FAM107A: variants seen among roughly 807,000 people sequenced by gnomAD.
FAM107A encodes the protein actin-associated protein FAM107A.
FAM107A carries 19 observed loss-of-function variants against 13.7 expected under a neutral mutation model. That is an observed-to-expected ratio of 1.38 (90% CI 0.97 to 2.03). The LOEUF (loss-of-function observed/expected upper bound fraction) is 2.03. Ranked by LOEUF, FAM107A falls within the 30% of genes most tolerant of loss-of-function variation. The probability of loss-of-function intolerance (pLI) is 0.00; values close to 1 mark genes in which losing one functional copy is unlikely to be tolerated. For missense variants in FAM107A, 203 were observed against 184.4 expected (o/e 1.10, Z -0.58); for synonymous variants, 82 against 74.5 (o/e 1.10, Z -0.52).
chr3:58,594,219 A>C (rs2108066833), intron 1 of FAM107A, among the ~76,000 whole-genome samples: 1 of 152,268 alleles, frequency 6.6e-6, no homozygotes, highest in South Asian at 2.1e-4. Flanking sequence ...AGCAGTTACT[A>C]TTGCTTAGGA....
intron 3 of FAM107A, 196 bp from the exon 4 acceptor site, chr3:58,566,891 T>A: frequency 1.6e-6 from 1 of 609,310 alleles, no homozygotes; most frequent in South Asian, 2.0e-5. Context: ...TTCAAATCAC[T>A]CACCCCCTCT....
rs2063738119 is a variant in FAM107A at position 58,577,256 on chromosome 3, C to A, written c.-6+53G>T. Reference sequence around the variant, plus strand: ...CTGCCCTCCTTCCCTTCCACCTCCTCCCGAACGGCACCGCTCTCAACAGCA... The same window carrying A: ...CTGCCCTCCTTCCCTTCCACCTCCTACCGAACGGCACCGCTCTCAACAGCA... On this transcript the variant is annotated intron_variant, in intron 1 of 3. Transcript: ENST00000360997. The surrounding 1 kb of genome is among the most constrained non-coding windows in gnomAD (Gnocchi z 4.9). The A allele has an allele frequency of 2.2e-6, 2 of 929,976 alleles. No homozygotes were observed. The highest frequency in any genetic ancestry group is 2.6e-6 in the Non-Finnish European group (2 of 779,384). 57.6% of individuals were successfully genotyped at this position (929,976 alleles called of 1,614,324 possible). A position where few individuals can be genotyped will look rare whatever the true frequency, so the allele number is the denominator to read the frequency against.
intron 1 of FAM107A, among the ~76,000 whole-genome samples, chr3:58,584,137 C>T (rs1447298137): frequency 6.6e-6 from 1 of 152,148 alleles, no homozygotes; most frequent in Non-Finnish European, 1.5e-5. Flanking sequence ...GGTCCAGAGG[C>T]ACACGGTCCT....
chr3:58,602,723 G>A (rs1207810157), intron 1 of FAM107A, among the ~76,000 whole-genome samples: 3 of 152,092 alleles, frequency 2.0e-5, no homozygotes, highest in Non-Finnish European at 4.4e-5. Flanking sequence ...TATATATTTT[G>A]TTACACATGT....
intron 1 of FAM107A, among the ~76,000 whole-genome samples, chr3:58,603,838 TGGA>T (rs3046796): frequency 0.25 from 37,633 of 151,858 alleles, 5,183 homozygotes; most frequent in South Asian, 0.48. Flanking sequence ...GGGATGTAGG[TGGA>T]GGAGCACCAA....
upstream of FAM107A, among the ~76,000 whole-genome samples, chr3:58,589,445 G>GTGTA (rs1363355106): frequency 7.9e-5 from 12 of 152,288 alleles, no homozygotes; most frequent in African/African-American, 2.6e-4. Context: ...GTGTGTGTGT[G>GTGTA]TGTATGTGTG....
intron 1 of FAM107A, among the ~76,000 whole-genome samples, chr3:58,625,834 C>G (rs1166738789): frequency 2.0e-5 from 3 of 152,240 alleles, no homozygotes; most frequent in Non-Finnish European, 1.5e-5. Flanking sequence ...CTTTCCCCCA[C>G]TAGCTGCATG....
intron 1 of FAM107A, among the ~76,000 whole-genome samples, chr3:58,583,856 C>T (rs1464768350): frequency 1.3e-5 from 2 of 151,826 alleles, no homozygotes; most frequent in Non-Finnish European, 2.9e-5. Context: ...AATTTTTAAA[C>T]ATTTTTCTAG....
At chr3:58,622,021 C>T (rs1346800225) in intron 1 of FAM107A, among the ~76,000 whole-genome samples, 1 of 152,176 alleles carries the variant, frequency 6.6e-6, no homozygotes, top group Admixed American at 6.5e-5. Flanking sequence ...TTGGGAATTG[C>T]ACTGAGGCCC....
At chr3:58,579,475 C>G (rs772057173), upstream of FAM107A, among the ~76,000 whole-genome samples, 10 of 152,174 alleles carry the variant, frequency 6.6e-5, no homozygotes, top group Non-Finnish European at 1.3e-4. Context: ...TGGTAGCCCC[C>G]TCAGCCTCCC....
At chr3:58,588,084 G>A (rs183399961), upstream of FAM107A, among the ~76,000 whole-genome samples, 9 of 152,278 alleles carry the variant, frequency 5.9e-5, no homozygotes, top group African/African-American at 2.2e-4. Flanking sequence ...TGAAGGGTGG[G>A]TATTCCCTCC....
chr3:58,567,141 A>C, intron 3 of FAM107A, 67 bp downstream of exon 3: 1 of 1,581,500 alleles, frequency 6.3e-7, no homozygotes, highest in East Asian at 2.2e-5. Context: ...CTGTGGCCAC[A>C]GCAGAGCTCC....
chr3:58,618,821 G>A (rs1458755702), intron 1 of FAM107A, among the ~76,000 whole-genome samples: 1 of 151,292 alleles, frequency 6.6e-6, no homozygotes, highest in African/African-American at 2.4e-5. Context: ...CAGGGGGACA[G>A]GTTTGGGGTT....
intron 1 of FAM107A, among the ~76,000 whole-genome samples, chr3:58,586,197 C>T (rs992234523): frequency 4.0e-5 from 5 of 123,862 alleles, no homozygotes; most frequent in Non-Finnish European, 9.0e-5. Context: ...TGCCCATTTT[C>T]CTCTCTCCTG....
intron 1 of FAM107A, among the ~76,000 whole-genome samples, chr3:58,593,357 T>C (rs1390833376): frequency 3.9e-5 from 6 of 152,224 alleles, no homozygotes; most frequent in African/African-American, 1.2e-4. Flanking sequence ...CAAAAACTTG[T>C]CATCCCTACT....
At chr3:58,589,348 A>T, upstream of FAM107A, 1 of 955,002 alleles carries the variant, frequency 1.0e-6, no homozygotes, top group Non-Finnish European at 1.6e-6. Context: ...TTCACAATGT[A>T]TCTGAGTCTT....
At position 58,568,025 on chromosome 3, in the gene FAM107A, C is replaced by T. The variant is rs528000663; in HGVS notation, c.171-661G>A. On this transcript the variant is annotated intron_variant, in intron 2 of 3. Coordinates refer to ENST00000360997, the MANE Select transcript of FAM107A (RefSeq NM_001076778.3). ...AATCATAGCTCACTGCAGCCTTGAA[C>T]TCCTGGGATCAAGTGATCCTCCTGC... 2.0e-5 allele frequency among the ~76,000 whole-genome samples: 3 copies of T among 152,246 alleles called. No homozygotes were observed. In the South Asian group the frequency reaches 6.2e-4, roughly 32 times the overall value.
intron 1 of FAM107A, among the ~76,000 whole-genome samples, chr3:58,596,318 A>G (rs568821277): frequency 8.4e-4 from 128 of 152,320 alleles, no homozygotes; most frequent in African/African-American, 2.7e-3. Flanking sequence ...CACATCTGCC[A>G]TAGTCTTCCC....
rs536864900 is a variant in FAM107A, at chr3:58,617,344, A to C, written c.-70+10072T>G. Reference sequence around the variant, plus strand: ...ACAGACACTGCCCCATTTCTGGCTGAGCTCCTGCAGGTTCTAGGTGTGACA... The same window carrying C: ...ACAGACACTGCCCCATTTCTGGCTGCGCTCCTGCAGGTTCTAGGTGTGACA... On this transcript the variant is annotated intron_variant, in intron 1 of 3. Coordinates refer to the FAM107A transcript ENST00000465970. This position sits in a 1 kb window ranked among gnomAD's most constrained non-coding sequence, Gnocchi z 4.5. 6.6e-6 allele frequency among the ~76,000 whole-genome samples: 1 copy of C among 152,188 alleles called. No homozygotes were observed. Among genetic ancestry groups the C allele is most frequent in the African/African-American group, 2.4e-5 (1 of 41,512 alleles).
Sources: allele counts gnomAD v4.1 joint callset (sites outside exome capture counted in the v4.1 genomes callset), GRCh38; gene constraint gnomAD v4.1.1; non-coding constraint Gnocchi (gnomAD v3.1); transcripts MANE v1.5; gene names NCBI Gene and HGNC (gene_info 2026-07-23, HGNC 2026-07-21).